Variants in NPAS3 observed in about 807,000 individuals in gnomAD.
NPAS3 encodes neuronal PAS domain-containing protein 3.
In NPAS3, 14 loss-of-function variants were observed where a neutral mutation model predicts 73.1. That is an observed-to-expected ratio of 0.19 (90% CI 0.13 to 0.30). The LOEUF (loss-of-function observed/expected upper bound fraction) is 0.30, where lower values mean the gene tolerates loss of function less well. Ranked by LOEUF, NPAS3 falls within the 10% of genes least tolerant of loss-of-function variation. The pLI is 1.00. For synonymous variants in NPAS3, 620 were observed against 541.5 expected (o/e 1.14, Z -2.01); for missense variants, 1,096 against 1,250.0 (o/e 0.88, Z 1.86).
chr14:33,787,021 C>T (rs1173880399), intron 9 of NPAS3, among the ~76,000 whole-genome samples: 1 of 150,422 alleles, frequency 6.6e-6, no homozygotes, highest in Non-Finnish European at 1.5e-5. Context: ...GAGGAGTTCA[C>T]CGCTTCTCAT....
chr14:33,227,009 AT>A (rs2047661043), intron 3 of NPAS3, among the ~76,000 whole-genome samples: 1 of 152,172 alleles, frequency 6.6e-6, no homozygotes, highest in African/African-American at 2.4e-5. Context: ...AATTGCTATT[AT>A]TTTCCATTTT....
chr14:33,012,658 C>G (rs963934560), intron 1 of NPAS3, among the ~76,000 whole-genome samples: 1 of 152,010 alleles, frequency 6.6e-6, no homozygotes, highest in Non-Finnish European at 1.5e-5. Context: ...AAGCGATTCT[C>G]CTGCCTCAGC....
intron 3 of NPAS3, among the ~76,000 whole-genome samples, chr14:33,300,694 C>T (rs1313678900): frequency 6.6e-6 from 1 of 152,010 alleles, no homozygotes; most frequent in Admixed American, 6.6e-5. Flanking sequence ...AGAGGCTCTG[C>T]ATTGCGGGTG....
chr14:32,977,357 C>CACGCACACACACACAA (rs1491231721), intron 1 of NPAS3, among the ~76,000 whole-genome samples: 1 of 678 alleles, frequency 1.5e-3, no homozygotes, highest in Non-Finnish European at 0.013. Context: ...CTCTGACACG[C>CACGCACACACACACAA]ACACACACAC....
At chr14:33,482,639 C>T (rs1019858907) in intron 4 of NPAS3, among the ~76,000 whole-genome samples, 2 of 152,042 alleles carry the variant, frequency 1.3e-5, no homozygotes, top group African/African-American at 4.8e-5. Context: ...CTCAGAGCCT[C>T]CCTCTCTGAT....
chr14:33,110,773 C>G (rs2042866658), intron 2 of NPAS3, among the ~76,000 whole-genome samples: 1 of 151,704 alleles, frequency 6.6e-6, no homozygotes, highest in Admixed American at 6.6e-5. Context: ...TCTCTAGGTT[C>G]AGTCCGGGGA....
intron 4 of NPAS3, among the ~76,000 whole-genome samples, chr14:33,534,533 G>C (rs2054178456): frequency 6.6e-6 from 1 of 152,138 alleles, no homozygotes; most frequent in African/African-American, 2.4e-5. Flanking sequence ...TCAAGTCATA[G>C]AAATGGCTTC....
intron 5 of NPAS3, among the ~76,000 whole-genome samples, chr14:33,648,466 A>T (rs2058898243): frequency 6.6e-6 from 1 of 152,234 alleles, no homozygotes; most frequent in Admixed American, 6.5e-5. Flanking sequence ...CTTGTTTAAC[A>T]TTAAACTCCT....
At chr14:33,402,877 C>T (rs1207621827) in intron 4 of NPAS3, among the ~76,000 whole-genome samples, 1 of 152,082 alleles carries the variant, frequency 6.6e-6, no homozygotes, top group African/African-American at 2.4e-5. Context: ...AGCATTTGTT[C>T]ATGTATGTCA....
chr14:33,020,879 G>C (rs2039571124), intron 1 of NPAS3, among the ~76,000 whole-genome samples: 1 of 152,066 alleles, frequency 6.6e-6, no homozygotes, highest in Admixed American at 6.5e-5. Flanking sequence ...TCCTGCCTCA[G>C]TCTCCTGAGT....
At chr14:33,745,529 G>A (rs2061765566) in intron 7 of NPAS3, among the ~76,000 whole-genome samples, 1 of 152,054 alleles carries the variant, frequency 6.6e-6, no homozygotes, top group Non-Finnish European at 1.5e-5. Context: ...TGAGATGAAG[G>A]TAAAGTGCTT....
At chr14:33,675,774 A>G (rs1488319819) in intron 5 of NPAS3, among the ~76,000 whole-genome samples, 1 of 152,160 alleles carries the variant, frequency 6.6e-6, no homozygotes, top group East Asian at 1.9e-4. Flanking sequence ...TAAGGAAAAC[A>G]CTCGACTGCT....
chr14:33,579,832 G>A (rs1483483088), intron 5 of NPAS3, among the ~76,000 whole-genome samples: 4 of 151,890 alleles, frequency 2.6e-5, no homozygotes, highest in East Asian at 1.9e-4. Flanking sequence ...GTATCTACAC[G>A]AAGCCAAACA....
chr14:33,399,043 A>G (rs937604758), intron 4 of NPAS3, among the ~76,000 whole-genome samples: 1 of 152,104 alleles, frequency 6.6e-6, no homozygotes, highest in Non-Finnish European at 1.5e-5. Flanking sequence ...CCGTCTTGAC[A>G]TGTAACTGAA....
At chr14:33,551,683 G>A (rs1049551226) in intron 4 of NPAS3, among the ~76,000 whole-genome samples, 5 of 152,194 alleles carry the variant, frequency 3.3e-5, no homozygotes, top group East Asian at 3.9e-4. Flanking sequence ...TGTATGTGGT[G>A]TGGTCCAGTC....
chr14:33,424,256 G>A (rs756579749), intron 4 of NPAS3, among the ~76,000 whole-genome samples: 3 of 151,960 alleles, frequency 2.0e-5, no homozygotes, highest in East Asian at 1.9e-4. Context: ...TAGCATGTGC[G>A]GGGGCCCAGT....
chr14:33,798,058 G>A (rs916601608), intron 11 of NPAS3, among the ~76,000 whole-genome samples: 22 of 152,088 alleles, frequency 1.4e-4, no homozygotes, highest in East Asian at 1.2e-3. Context: ...TCTACTAAAG[G>A]CAGGTACTAG....
intron 5 of NPAS3, among the ~76,000 whole-genome samples, chr14:33,568,083 G>C (rs914414394): frequency 1.3e-5 from 2 of 152,112 alleles, no homozygotes; most frequent in African/African-American, 4.8e-5. Flanking sequence ...AAGGAAGATG[G>C]AGTATTCTTC....
chr14:33,735,005 C>T (rs2140646145), intron 6 of NPAS3, among the ~76,000 whole-genome samples: 1 of 152,290 alleles, frequency 6.6e-6, no homozygotes, highest in East Asian at 1.9e-4. Context: ...TTGTTAGAAA[C>T]TGGAACGAGG....
Sources: allele counts gnomAD v4.1 joint callset (sites outside exome capture counted in the v4.1 genomes callset), GRCh38; gene constraint gnomAD v4.1.1; transcripts MANE v1.5; gene names NCBI Gene and HGNC (gene_info 2026-07-23, HGNC 2026-07-21).